KCNH1: variants seen among roughly 807,000 people sequenced by gnomAD.
KCNH1 encodes the protein potassium voltage-gated channel subfamily H member 1.
KCNH1 carries 27 observed loss-of-function variants against 69.2 expected under a neutral mutation model. That is an observed-to-expected ratio of 0.39 (90% CI 0.29 to 0.54). The LOEUF is 0.54. Ranked by LOEUF, KCNH1 falls within the 20% of genes least tolerant of loss-of-function variation. The pLI is 0.68. For synonymous variants in KCNH1, 456 were observed against 487.7 expected (o/e 0.93, Z 0.86); for missense variants, 798 against 1,261.6 (o/e 0.63, Z 5.57).
intron 5 of KCNH1, among the ~76,000 whole-genome samples, chr1:211,043,763 C>T (rs751743970): frequency 1.8e-4 from 27 of 152,120 alleles, no homozygotes; most frequent in African/African-American, 6.5e-4. Flanking sequence ...GGTTCCATAC[C>T]AGGGATGCAG....
At chr1:210,884,393 T>C (rs969685845) in intron 7 of KCNH1, among the ~76,000 whole-genome samples, 1 of 152,224 alleles carries the variant, frequency 6.6e-6, no homozygotes, top group African/African-American at 2.4e-5. Flanking sequence ...ATCTATTATC[T>C]TAGTGAGCCT....
Position 210,785,489 on chromosome 1 carries a change from G to A in KCNH1, c.1916-9945C>T, listed in dbSNP as rs1684081266. Among the ~76,000 whole-genome samples the A allele has an allele frequency of 5.3e-5, 8 of 151,848 alleles. No individual in the cohort carries two copies. In the South Asian group the frequency reaches 1.7e-3, roughly 32 times the overall value. On this transcript the variant is annotated intron_variant, in intron 9 of 10. Coordinates refer to ENST00000271751, the MANE Select transcript of KCNH1 (RefSeq NM_172362.3). Reference sequence around the variant, plus strand: ...GGCTCACCGCAACCTCCGCCTCCTGGGTTCAAGCGGTTCTCCTACCCAGTA... The same window carrying A: ...GGCTCACCGCAACCTCCGCCTCCTGAGTTCAAGCGGTTCTCCTACCCAGTA...
intron 6 of KCNH1, among the ~76,000 whole-genome samples, chr1:211,011,216 G>A (rs1689386318): frequency 6.6e-6 from 1 of 152,122 alleles, no homozygotes; most frequent in African/African-American, 2.4e-5. Flanking sequence ...TTATGAGTGA[G>A]AACATGCAGT....
At chr1:210,708,811 G>A (rs775107101) in intron 10 of KCNH1, among the ~76,000 whole-genome samples, 6 of 152,134 alleles carry the variant, frequency 3.9e-5, no homozygotes, top group Non-Finnish European at 7.3e-5. Flanking sequence ...GTCTCTGTTG[G>A]GTTACTTTAA....
chr1:211,037,726 A>C (rs1689923420), intron 5 of KCNH1, among the ~76,000 whole-genome samples: 1 of 151,836 alleles, frequency 6.6e-6, no homozygotes, highest in Admixed American at 6.6e-5. Flanking sequence ...TCCCCAAACT[A>C]CACCTAACTA....
intron 5 of KCNH1, among the ~76,000 whole-genome samples, chr1:211,076,910 C>T (rs1175601400): frequency 6.6e-6 from 1 of 152,076 alleles, no homozygotes; most frequent in Non-Finnish European, 1.5e-5. Flanking sequence ...TAGAGTAGAC[C>T]TTAAATGACC....
chr1:211,057,082 A>G (rs1262172455), intron 5 of KCNH1, among the ~76,000 whole-genome samples: 1 of 152,222 alleles, frequency 6.6e-6, no homozygotes, highest in Non-Finnish European at 1.5e-5. Flanking sequence ...TGACCTTTCA[A>G]AGAAAGAATT....
intron 9 of KCNH1, among the ~76,000 whole-genome samples, chr1:210,793,540 A>G (rs996538534): frequency 5.3e-5 from 8 of 152,252 alleles, no homozygotes; most frequent in Non-Finnish European, 4.4e-5. Flanking sequence ...CTTTATTTTT[A>G]ACACAAACTA....
intron 7 of KCNH1, chr1:210,858,945 C>T (rs778690485): frequency 1.3e-4 from 58 of 462,532 alleles, no homozygotes; most frequent in Admixed American, 5.6e-4. Flanking sequence ...AAATACACCC[C>T]CTAAGGTACC....
intron 9 of KCNH1, among the ~76,000 whole-genome samples, chr1:210,788,134 C>G (rs1036644517): frequency 2.6e-5 from 4 of 152,122 alleles, no homozygotes; most frequent in African/African-American, 4.8e-5. Context: ...TTTTTTCCCC[C>G]TTCTGATTAT....
At chr1:211,033,239 G>A (rs192724466) in intron 5 of KCNH1, among the ~76,000 whole-genome samples, 12 of 152,136 alleles carry the variant, frequency 7.9e-5, no homozygotes, top group African/African-American at 1.9e-4. Context: ...TTAGAATGGC[G>A]ATCATTAAAA....
At chr1:210,759,521 T>C (rs1268233179) in intron 10 of KCNH1, among the ~76,000 whole-genome samples, 2 of 151,900 alleles carry the variant, frequency 1.3e-5, no homozygotes, top group African/African-American at 4.8e-5. Context: ...TTTCAAAATA[T>C]AGTAGGAAGC....
chr1:210,971,566 A>G (rs1688512707), intron 6 of KCNH1, among the ~76,000 whole-genome samples: 1 of 152,172 alleles, frequency 6.6e-6, no homozygotes, highest in Non-Finnish European at 1.5e-5. Context: ...AGATTATTCT[A>G]TCTATGTATC....
At chr1:210,794,949 G>A (rs979718617) in intron 9 of KCNH1, among the ~76,000 whole-genome samples, 7 of 152,134 alleles carry the variant, frequency 4.6e-5, no homozygotes, top group Non-Finnish European at 7.3e-5. Context: ...TAAAGCAATG[G>A]TTTTTGCCTT....
chr1:210,841,702 T>C (rs1238472516), intron 7 of KCNH1, among the ~76,000 whole-genome samples: 1 of 152,138 alleles, frequency 6.6e-6, no homozygotes, highest in African/African-American at 2.4e-5. Flanking sequence ...TAATCTCTTA[T>C]TTTAACATGG....
intron 3 of KCNH1, among the ~76,000 whole-genome samples, chr1:211,093,344 T>C (rs908282106): frequency 6.6e-6 from 1 of 152,210 alleles, no homozygotes; most frequent in African/African-American, 2.4e-5. Context: ...TCACCCAGGC[T>C]GCACGATCTC....
At chr1:211,088,303 T>G (rs1361929679) in intron 4 of KCNH1, among the ~76,000 whole-genome samples, 1 of 152,284 alleles carries the variant, frequency 6.6e-6, no homozygotes, top group Non-Finnish European at 1.5e-5. Flanking sequence ...GGTGCTGTAC[T>G]GAAAACCCAG....
chr1:210,777,654 C>T (rs1683888592), intron 9 of KCNH1, among the ~76,000 whole-genome samples: 1 of 152,178 alleles, frequency 6.6e-6, no homozygotes, highest in Non-Finnish European at 1.5e-5. Flanking sequence ...ATTCTATAAC[C>T]TCCCTATACT....
intron 6 of KCNH1, among the ~76,000 whole-genome samples, chr1:210,974,165 T>A (rs1207716339): frequency 6.6e-6 from 1 of 152,202 alleles, no homozygotes; most frequent in East Asian, 1.9e-4. Flanking sequence ...AGGTGTTTTG[T>A]TAAATGCTCT....
Sources: gnomAD v4.1 joint callset for allele counts (sites outside exome capture counted in the v4.1 genomes callset) on GRCh38, gnomAD v4.1.1 for gene constraint, MANE v1.5 for transcripts, NCBI Gene and HGNC (gene_info 2026-07-23, HGNC 2026-07-21) for gene names.